The following ZNF292 variants were observed in gnomAD, a reference collection of about 807,000 sequenced individuals.
The protein encoded by ZNF292 is zinc finger protein 292.
Under a neutral mutation model 217.9 loss-of-function variants are expected in ZNF292, and 26 were observed. The observed-to-expected ratio is 0.12, with a 90% confidence interval of 0.09 to 0.17. The LOEUF is 0.17. Ranked by LOEUF, ZNF292 falls within the 10% of genes least tolerant of loss-of-function variation. The pLI is 1.00. For synonymous variants in ZNF292, 1,257 were observed against 1,124.1 expected (o/e 1.12, Z -2.37); for missense variants, 2,904 against 3,175.2 (o/e 0.91, Z 2.05).
intron 1 of ZNF292, among the ~76,000 whole-genome samples, chr6:87,194,507 A>G (rs1439960718): frequency 6.6e-6 from 1 of 152,212 alleles, no homozygotes; most frequent in Non-Finnish European, 1.5e-5. Flanking sequence ...CAAAATCAGG[A>G]ATAAGGAGAC....
At chr6:87,185,543 A>T (rs1467566935) in intron 1 of ZNF292, among the ~76,000 whole-genome samples, 1 of 152,194 alleles carries the variant, frequency 6.6e-6, no homozygotes, top group Non-Finnish European at 1.5e-5. Context: ...GCAGTGGCAC[A>T]ATCTCACTCA....
chr6:87,238,427 G>A (rs916873112), intron 5 of ZNF292, among the ~76,000 whole-genome samples: 2 of 151,432 alleles, frequency 1.3e-5, no homozygotes, highest in Admixed American at 6.6e-5. Flanking sequence ...TGGAGGTTGC[G>A]GTGAGTCGAG....
intron 1 of ZNF292, among the ~76,000 whole-genome samples, chr6:87,185,330 C>G (rs907550568): frequency 6.6e-6 from 1 of 152,128 alleles, no homozygotes; most frequent in Non-Finnish European, 1.5e-5. Context: ...TTTTAGACTT[C>G]CGGGATTTTG....
intron 5 of ZNF292, among the ~76,000 whole-genome samples, chr6:87,242,558 A>G (rs1318060303): frequency 2.0e-5 from 3 of 152,230 alleles, no homozygotes; most frequent in African/African-American, 7.2e-5. Context: ...GGAGAGGCAT[A>G]GTCTCTGTGG....
Position 87,256,766 on chromosome 6 carries a change from C to G in ZNF292, c.3137C>G (p.Ser1046Cys). The change falls in exon 8 of 8, where the codon TCC becomes TGC. Residue 1046 changes from serine (S) to cysteine (C), a missense_variant. Around this residue, in one of 15 missense-constraint regions of ZNF292, gnomAD observed 687 missense variants for 623.0 expected, o/e 1.10. Coordinates refer to ENST00000369577, the MANE Select transcript of ZNF292 (RefSeq NM_015021.3). Reference protein sequence around the residue: ...QAAFQNNLPTSKFECGDNVKT... With the variant: ...QAAFQNNLPTCKFECGDNVKT... Reference sequence around the variant, plus strand: ...GCATTTCAAAACAATTTACCAACTTCCAAATTTGAATGTGGAGATAATGTT... The same window carrying G: ...GCATTTCAAAACAATTTACCAACTTGCAAATTTGAATGTGGAGATAATGTT... The G allele has an allele frequency of 2.5e-6, 4 of 1,612,722 alleles. No individual in the cohort carries two copies. The highest frequency in any genetic ancestry group is 1.1e-5 in the South Asian group (1 of 91,076).
At chr6:87,250,332 G>T (rs572335899) in intron 7 of ZNF292, among the ~76,000 whole-genome samples, 1 of 151,986 alleles carries the variant, frequency 6.6e-6, no homozygotes, top group African/African-American at 2.4e-5. Flanking sequence ...AGGAGGCTGA[G>T]ATGGGAGGAT....
rs1464426324 is a variant in ZNF292, at chr6:87,255,151, C to A, written c.1522C>A (p.Leu508Ile). The A allele has an allele frequency of 1.2e-6, 2 of 1,613,536 alleles. No individual in the cohort carries two copies. Among genetic ancestry groups the A allele is most frequent in the Non-Finnish European group, 1.7e-6 (2 of 1,179,824 alleles). Residue 508 changes from leucine to isoleucine, a missense_variant, in exon 8 of 8, where the codon CTT becomes ATT. Coordinates refer to ENST00000369577, the MANE Select transcript of ZNF292 (RefSeq NM_015021.3). ...SGGVGANSGL[L>I]KDIGDEKQKK... is the part of the protein sequence containing the mutation. ...TGGAGTTGGTGCTAATTCTGGCCTT[C>A]TTAAAGACATTGGTGATGAAAAGCA...
chr6:87,239,764 G>A (rs1562166073), intron 5 of ZNF292, among the ~76,000 whole-genome samples: 1 of 148,924 alleles, frequency 6.7e-6, no homozygotes, highest in Non-Finnish European at 1.5e-5. Context: ...GGGCGGTGGG[G>A]CAGAGGCGCT....
At chr6:87,157,289 C>G (rs1770574421) in intron 1 of ZNF292, among the ~76,000 whole-genome samples, 1 of 152,170 alleles carries the variant, frequency 6.6e-6, no homozygotes, top group Non-Finnish European at 1.5e-5. Context: ...AAATTAAAGT[C>G]TCATTCCTTT....
chr6:87,206,571 A>G (rs1019797075), intron 1 of ZNF292, among the ~76,000 whole-genome samples: 10 of 152,166 alleles, frequency 6.6e-5, no homozygotes, highest in Non-Finnish European at 1.3e-4. Flanking sequence ...TCACAACACA[A>G]TCATCACACT....
intron 5 of ZNF292, among the ~76,000 whole-genome samples, chr6:87,237,481 A>G (rs774245216): frequency 4.6e-5 from 7 of 152,186 alleles, no homozygotes; most frequent in African/African-American, 1.4e-4. Flanking sequence ...AGCTCAGACA[A>G]TCCTCCTGTC....
chr6:87,235,122 T>A (rs1773840925), intron 5 of ZNF292, among the ~76,000 whole-genome samples: 1 of 152,210 alleles, frequency 6.6e-6, no homozygotes. Flanking sequence ...ATTGGCCTTT[T>A]AATTGCTATT....
intron 4 of ZNF292, chr6:87,223,558 G>GTATCT (rs1773199791): frequency 6.6e-6 from 1 of 152,214 alleles, no homozygotes; most frequent in Non-Finnish European, 1.5e-5. Context: ...TGAGGAAGCA[G>GTATCT]TATCTACATG....
rs1036430366 is a variant in ZNF292 at position 87,264,093 on chromosome 6, A to G, written c.*2292A>G. 1.3e-5 allele frequency: 2 copies of G among 152,164 alleles called. No homozygotes were observed. The highest frequency in any genetic ancestry group is 4.8e-5 in the African/African-American group (2 of 41,438). The allele number at this position is 152,164 out of a possible 1,614,324, so 9.4% of individuals were successfully genotyped here. Reference sequence around the variant, plus strand: ...AGCATGAAACAAAAAAAATCAAACTATGGTAAAAAGACATGAATTTATAGA... The same window carrying G: ...AGCATGAAACAAAAAAAATCAAACTGTGGTAAAAAGACATGAATTTATAGA... On this transcript the variant is annotated 3_prime_UTR_variant, in exon 8 of 8. Coordinates refer to ENST00000369577, the MANE Select transcript of ZNF292 (RefSeq NM_015021.3).
intron 1 of ZNF292, among the ~76,000 whole-genome samples, chr6:87,166,765 A>T (rs1010278310): frequency 3.9e-5 from 6 of 152,206 alleles, no homozygotes; most frequent in African/African-American, 1.4e-4. Flanking sequence ...ATGAGTCATA[A>T]ATATGTATGC....
chr6:87,210,536 G>A (rs1047678779), intron 1 of ZNF292, among the ~76,000 whole-genome samples: 1 of 151,914 alleles, frequency 6.6e-6, no homozygotes, highest in African/African-American at 2.4e-5. Context: ...AAAGAATGAG[G>A]TGAGGCAGGC....
intron 1 of ZNF292, among the ~76,000 whole-genome samples, chr6:87,188,859 CA>C (rs1771741102): frequency 6.6e-6 from 1 of 151,638 alleles, no homozygotes; most frequent in African/African-American, 2.4e-5. Context: ...TAATACAATG[CA>C]GATAAATTAT....
At chr6:87,164,039 C>T (rs1035250747) in intron 1 of ZNF292, among the ~76,000 whole-genome samples, 1 of 152,206 alleles carries the variant, frequency 6.6e-6, no homozygotes, top group Non-Finnish European at 1.5e-5. Context: ...TCGCCCACCT[C>T]GCCCCGCCAA....
chr6:87,162,867 A>G (rs1014827820), intron 1 of ZNF292, among the ~76,000 whole-genome samples: 2 of 152,218 alleles, frequency 1.3e-5, no homozygotes, highest in African/African-American at 4.8e-5. Flanking sequence ...ACTCCTACAG[A>G]TAAATTCAGT....
Sources: gnomAD v4.1 joint callset for allele counts (sites outside exome capture counted in the v4.1 genomes callset) on GRCh38, gnomAD v4.1.1 for gene constraint, gnomAD v4.1.1 regional missense constraint, MANE v1.5 for transcripts, NCBI Gene and HGNC (gene_info 2026-07-23, HGNC 2026-07-21) for gene names.